TAX1BP1: variants seen among roughly 807,000 people sequenced by gnomAD.
TAX1BP1 encodes the protein tax1-binding protein 1.
In TAX1BP1, 62 loss-of-function variants were observed where a neutral mutation model predicts 97.7. That is an observed-to-expected ratio of 0.63 (90% CI 0.52 to 0.78). The LOEUF (loss-of-function observed/expected upper bound fraction) is 0.78, where lower values mean the gene tolerates loss of function less well. Among genes scored for constraint, TAX1BP1 ranks in the 30% least tolerant of loss-of-function variants. The pLI is 0.00. For synonymous variants in TAX1BP1, 340 were observed against 304.2 expected, an observed-to-expected ratio of 1.12 and a Z score of -1.23; for missense variants, 867 against 916.1, an observed-to-expected ratio of 0.95 and a Z score of 0.69.
chr7:27,807,477 G>C (rs1790385647), intron 13 of TAX1BP1, among the ~76,000 whole-genome samples: 1 of 151,760 alleles, frequency 6.6e-6, no homozygotes, highest in Non-Finnish European at 1.5e-5. Context: ...GAAAAATATG[G>C]GCCAGTTATT....
chr7:27,792,050 A>G lies in TAX1BP1; in HGVS notation c.1083A>G (p.Glu361=). ...AGGAGCAACTTCGTAAAGCAGAGGA[A>G]CAGGTTCAGGCAACTCGGCAAGAAG... is the stretch of plus-strand genomic sequence containing the variant. The part of the protein sequence containing the change: ...FLKEQLRKAE[E]QVQATRQEVV... Residue 361 remains glutamate (E), a synonymous_variant, in exon 9 of 17, where the codon GAA becomes GAG. Transcript: ENST00000396319. 1 of 1,614,126 alleles carries G rather than the reference A, an allele frequency of 6.2e-7. No homozygotes were observed. The highest frequency in any genetic ancestry group is 1.1e-5 in the South Asian group (1 of 91,080).
At chr7:27,786,094 C>A (rs1333457744) in intron 7 of TAX1BP1, among the ~76,000 whole-genome samples, 3 of 151,588 alleles carry the variant, frequency 2.0e-5, no homozygotes, top group African/African-American at 7.3e-5. Flanking sequence ...GTAAAAATAT[C>A]CTCACTGCTA....
intron 1 of TAX1BP1, among the ~76,000 whole-genome samples, chr7:27,742,480 C>G (rs572139168): frequency 6.6e-6 from 1 of 152,082 alleles, no homozygotes; most frequent in Non-Finnish European, 1.5e-5. Flanking sequence ...TCAGAGAGCA[C>G]GGGGTTGGTG....
At chr7:27,740,748 CG>C (rs1787551963) in intron 1 of TAX1BP1, among the ~76,000 whole-genome samples, 1 of 152,194 alleles carries the variant, frequency 6.6e-6, no homozygotes, top group Non-Finnish European at 1.5e-5. Context: ...TTTGCCTTTG[CG>C]GAGAGAAACC....
At chr7:27,811,560 C>T (rs1659709226) in intron 13 of TAX1BP1, among the ~76,000 whole-genome samples, 1 of 151,584 alleles carries the variant, frequency 6.6e-6, no homozygotes, top group Non-Finnish European at 1.5e-5. Context: ...ATTCTTATAT[C>T]CTTTGTTAAT....
chr7:27,819,607 A>T (rs1790899882), intron 15 of TAX1BP1, among the ~76,000 whole-genome samples: 1 of 152,144 alleles, frequency 6.6e-6, no homozygotes, highest in Admixed American at 6.6e-5. Context: ...TCAACTTACG[A>T]TGGGGTTACA....
In TAX1BP1 at chr7:27,796,797, G is replaced by A. The variant is rs148205695; in HGVS notation, c.1638+578G>A. 4.0e-3 allele frequency among the ~76,000 whole-genome samples: 607 copies of A among 151,848 alleles called. 1 individual carries two copies. Among genetic ancestry groups the A allele is most frequent in the Non-Finnish European group, 6.4e-3 (432 of 67,956 alleles). On this transcript the variant is annotated intron_variant, in intron 12 of 16. Coordinates refer to ENST00000396319, the MANE Select transcript of TAX1BP1 (RefSeq NM_006024.7). ...AATCACTTGAACCCGGGAGGCGGAG[G>A]TTGCAGTGAGCCGAGTTTGCACACT...
chr7:27,826,557 G>A (rs1410800431), intron 15 of TAX1BP1, among the ~76,000 whole-genome samples: 2 of 152,184 alleles, frequency 1.3e-5, no homozygotes, highest in African/African-American at 2.4e-5. Context: ...GGGATATGCT[G>A]TTAGTTCATG....
chr7:27,786,179 T>A (rs2128316353), intron 7 of TAX1BP1, among the ~76,000 whole-genome samples: 1 of 151,438 alleles, frequency 6.6e-6, no homozygotes, highest in South Asian at 2.1e-4. Context: ...TCGCCCAGGC[T>A]GAAGTGCAGT....
intron 5 of TAX1BP1, among the ~76,000 whole-genome samples, chr7:27,773,015 C>T (rs776453458): frequency 1.1e-4 from 17 of 152,086 alleles, no homozygotes; most frequent in Middle Eastern, 3.4e-3. Flanking sequence ...GAAAAAGGCT[C>T]ATTAATAAAA....
At chr7:27,787,360 T>C in intron 7 of TAX1BP1, 58 bp from the exon 8 acceptor site, 2 of 1,416,116 alleles carry the variant, frequency 1.4e-6, no homozygotes, top group Non-Finnish European at 1.9e-6. Context: ...ATTTTAAACT[T>C]TGACTAACTT....
intron 13 of TAX1BP1, among the ~76,000 whole-genome samples, chr7:27,806,479 T>C (rs1262868277): frequency 6.6e-6 from 1 of 152,158 alleles, no homozygotes; most frequent in East Asian, 1.9e-4. Flanking sequence ...TCTAAATTGC[T>C]ATCTAGTTAT....
chr7:27,775,331 T>C (rs550591046), intron 5 of TAX1BP1, among the ~76,000 whole-genome samples: 1 of 152,314 alleles, frequency 6.6e-6, no homozygotes, highest in African/African-American at 2.4e-5. Flanking sequence ...ATTTTTCTTA[T>C]CAGAATATAC....
In TAX1BP1 at chr7:27,748,731, T is replaced by G. The variant is rs192318881; in HGVS notation, c.162+45T>G. 2.5e-5 allele frequency: 36 copies of G among 1,413,644 alleles called. No individual in the cohort carries two copies. The East Asian group carries it at 8.9e-4, about 35-fold the overall frequency. 87.6% of individuals were successfully genotyped at this position (1,413,644 alleles called of 1,614,324 possible). A position where few individuals can be genotyped will look rare whatever the true frequency, so the allele number is the denominator to read the frequency against. On this transcript the variant is annotated intron_variant, in intron 2 of 16. Transcript: ENST00000396319. ...ATGTTCTCCATGTAAACACTTAAAA[T>G]TTTCTTTTAAAACAGATTGATAAGT...
intron 5 of TAX1BP1, among the ~76,000 whole-genome samples, chr7:27,777,124 A>C (rs1041104299): frequency 1.8e-4 from 27 of 152,182 alleles, no homozygotes; most frequent in African/African-American, 6.5e-4. Flanking sequence ...TTTCTGTATC[A>C]GTTTTGATTG....
intron 5 of TAX1BP1, among the ~76,000 whole-genome samples, chr7:27,778,168 T>C (rs1583696453): frequency 6.6e-6 from 1 of 152,330 alleles, no homozygotes; most frequent in East Asian, 1.9e-4. Flanking sequence ...AGAAACTTTG[T>C]TACTGGTCTG....
intron 15 of TAX1BP1, among the ~76,000 whole-genome samples, chr7:27,817,625 A>C (rs941253611): frequency 6.6e-6 from 1 of 152,172 alleles, no homozygotes; most frequent in African/African-American, 2.4e-5. Flanking sequence ...ATGATAATTG[A>C]ATTAGTTTGT....
intron 13 of TAX1BP1, among the ~76,000 whole-genome samples, chr7:27,805,410 C>G (rs897154623): frequency 6.6e-6 from 1 of 151,526 alleles, no homozygotes; most frequent in African/African-American, 2.4e-5. Flanking sequence ...AGGATTTTCT[C>G]TCAGTTTATT....
intron 4 of TAX1BP1, 56 bp from the exon 5 acceptor site, chr7:27,769,620 T>A: frequency 1.4e-6 from 2 of 1,392,502 alleles, no homozygotes; most frequent in Non-Finnish European, 1.9e-6. Flanking sequence ...AAATTTGTAA[T>A]AACATATTTT....
Sources: gnomAD v4.1 joint callset for allele counts (sites outside exome capture counted in the v4.1 genomes callset) on GRCh38, gnomAD v4.1.1 for gene constraint, MANE v1.5 for transcripts, NCBI Gene and HGNC (gene_info 2026-07-23, HGNC 2026-07-21) for gene names.